GSK3B: variants seen among roughly 807,000 people sequenced by gnomAD.
GSK3B encodes the protein glycogen synthase kinase-3 beta.
In GSK3B, 15 loss-of-function variants were observed where a neutral mutation model predicts 56.4. The ratio of observed to expected loss-of-function variants is 0.27; its 90% CI spans 0.18 to 0.41. The LOEUF (loss-of-function observed/expected upper bound fraction) is 0.41, where lower values mean the gene tolerates loss of function less well. Among genes scored for constraint, GSK3B ranks in the 10% least tolerant of loss-of-function variants. GSK3B has a pLI of 1.00. For synonymous variants in GSK3B, 181 were observed against 188.9 expected (o/e 0.96, Z 0.34); for missense variants, 300 against 513.4 (o/e 0.58, Z 4.02).
chr3:120,042,366 C>G (rs1449783482), intron 1 of GSK3B, among the ~76,000 whole-genome samples: 5 of 152,134 alleles, frequency 3.3e-5, no homozygotes, highest in Non-Finnish European at 7.3e-5. Context: ...TCATTAAGGA[C>G]CCCAGGCCAT....
chr3:119,870,766 A>G (rs934981396), intron 8 of GSK3B, among the ~76,000 whole-genome samples: 4 of 152,326 alleles, frequency 2.6e-5, no homozygotes, highest in Middle Eastern at 6.8e-3. Flanking sequence ...TGGTCTAGGT[A>G]GAATGTTCAG....
intron 3 of GSK3B, among the ~76,000 whole-genome samples, chr3:119,933,338 T>C (rs1452686566): frequency 6.6e-6 from 1 of 152,210 alleles, no homozygotes; most frequent in Non-Finnish European, 1.5e-5. Flanking sequence ...ATGCAATCTA[T>C]TGGGCAGGCA....
At chr3:120,065,774 A>C (rs2058272907) in intron 1 of GSK3B, among the ~76,000 whole-genome samples, 1 of 152,224 alleles carries the variant, frequency 6.6e-6, no homozygotes, top group Non-Finnish European at 1.5e-5. Flanking sequence ...TCAGCCATAA[A>C]CAGGAACGAA....
chr3:119,958,272 C>A (rs2057235525), intron 2 of GSK3B, among the ~76,000 whole-genome samples: 1 of 152,010 alleles, frequency 6.6e-6, no homozygotes, highest in South Asian at 2.1e-4. Context: ...AAACATCTTT[C>A]CTTTATAAAT....
intron 2 of GSK3B, among the ~76,000 whole-genome samples, chr3:119,957,706 C>A (rs1028087555): frequency 6.6e-6 from 1 of 152,176 alleles, no homozygotes; most frequent in African/African-American, 2.4e-5. Flanking sequence ...ATCAAGTAAG[C>A]AACATTATGA....
chr3:119,984,923 T>C (rs750255567), intron 2 of GSK3B, among the ~76,000 whole-genome samples: 20 of 152,156 alleles, frequency 1.3e-4, no homozygotes, highest in Non-Finnish European at 2.1e-4. Context: ...CTGATGAACA[T>C]TGATGCAAAA....
intron 1 of GSK3B, among the ~76,000 whole-genome samples, chr3:120,065,045 T>C (rs1019080926): frequency 1.3e-5 from 2 of 152,110 alleles, no homozygotes; most frequent in African/African-American, 4.8e-5. Context: ...TATGGGTAAA[T>C]CATAACCTTA....
chr3:119,921,127 C>T (rs933376232), intron 4 of GSK3B, among the ~76,000 whole-genome samples: 3 of 152,196 alleles, frequency 2.0e-5, no homozygotes, highest in Non-Finnish European at 4.4e-5. Flanking sequence ...ACATAAGATA[C>T]TTTAAAACAA....
At chr3:120,055,017 T>C (rs2058181420) in intron 1 of GSK3B, among the ~76,000 whole-genome samples, 1 of 152,180 alleles carries the variant, frequency 6.6e-6, no homozygotes, top group South Asian at 2.1e-4. Context: ...TAAAGGAAGA[T>C]TGTACAACCT....
chr3:119,876,363 C>A, intron 8 of GSK3B, 50 bp downstream of exon 8: 1 of 936,626 alleles, frequency 1.1e-6, no homozygotes, highest in Non-Finnish European at 1.8e-6. Context: ...AATGAGAAAC[C>A]TGTTTTAGTT....
intron 2 of GSK3B, among the ~76,000 whole-genome samples, chr3:119,959,618 G>C (rs931006007): frequency 2.0e-5 from 3 of 147,818 alleles, no homozygotes; most frequent in African/African-American, 7.5e-5. Context: ...AGGTTCAAGT[G>C]ATTCTCCTGC....
At chr3:119,994,640 T>C (rs534824521) in intron 2 of GSK3B, among the ~76,000 whole-genome samples, 2 of 152,250 alleles carry the variant, frequency 1.3e-5, no homozygotes, top group South Asian at 2.1e-4. Flanking sequence ...AAAAAAATCA[T>C]TTCAATGACA....
intron 1 of GSK3B, among the ~76,000 whole-genome samples, chr3:120,027,146 A>G (rs1576281065): frequency 1.3e-5 from 2 of 151,696 alleles, no homozygotes; most frequent in African/African-American, 4.8e-5. Context: ...AGGCCAAGAC[A>G]GGCAGACCAC....
intron 2 of GSK3B, among the ~76,000 whole-genome samples, chr3:119,974,204 T>A (rs1482728221): frequency 6.6e-6 from 1 of 152,202 alleles, no homozygotes; most frequent in Non-Finnish European, 1.5e-5. Context: ...ACGTATCTGA[T>A]AAATGACTGT....
At chr3:120,029,511 G>C (rs537208241) in intron 1 of GSK3B, 2 of 636,560 alleles carry the variant, frequency 3.1e-6, no homozygotes, top group South Asian at 2.9e-5. Flanking sequence ...TGTCAGTTAT[G>C]TGTGTAAAGT....
intron 3 of GSK3B, among the ~76,000 whole-genome samples, chr3:119,924,667 TCTTCC>T (rs2056873679): frequency 6.6e-6 from 1 of 152,358 alleles, no homozygotes; most frequent in African/African-American, 2.4e-5. Context: ...TGTTCTCCTC[TCTTCC>T]CTTCTTAGCC....
chr3:120,026,403 T>C (rs1271698232), intron 1 of GSK3B, among the ~76,000 whole-genome samples: 1 of 152,010 alleles, frequency 6.6e-6, no homozygotes, highest in Non-Finnish European at 1.5e-5. Flanking sequence ...TCTCAACATA[T>C]AAGCCAAAGA....
At chr3:119,926,466 C>T (rs184080470) in intron 3 of GSK3B, among the ~76,000 whole-genome samples, 3 of 152,264 alleles carry the variant, frequency 2.0e-5, no homozygotes, top group African/African-American at 7.2e-5. Flanking sequence ...GTAGAACCCT[C>T]GTCCAAGCTA....
At chr3:119,912,874 G>T in intron 5 of GSK3B, 64 bp from the exon 6 acceptor site, 2 of 708,880 alleles carry the variant, frequency 2.8e-6, no homozygotes, top group South Asian at 2.0e-5. Flanking sequence ...AAAGAACTTA[G>T]ACTGCTATCC....
Sources: allele counts gnomAD v4.1 joint callset (sites outside exome capture counted in the v4.1 genomes callset), GRCh38; gene constraint gnomAD v4.1.1; transcripts MANE v1.5; gene names NCBI Gene and HGNC (gene_info 2026-07-23, HGNC 2026-07-21).